The following NALF1 variants were observed in gnomAD, a reference collection of about 807,000 sequenced individuals.
NALF1 encodes the protein family with sequence similarity 155 member A.
Under a neutral mutation model 48.4 loss-of-function variants are expected in NALF1, and 3 were observed. That is an observed-to-expected ratio of 0.06 (90% confidence interval 0.03 to 0.16). The LOEUF is 0.16. Ranked by LOEUF, NALF1 falls within the 10% of genes least tolerant of loss-of-function variation. NALF1 has a pLI of 1.00. For missense variants in NALF1, 526 were observed against 571.5 expected, an observed-to-expected ratio of 0.92 and a Z score of 0.81; for synonymous variants, 262 against 245.7, an observed-to-expected ratio of 1.07 and a Z score of -0.62.
chr13:107,735,915 T>A (rs1876454151), intron 1 of NALF1, among the ~76,000 whole-genome samples: 1 of 152,184 alleles, frequency 6.6e-6, no homozygotes. Flanking sequence ...CTTGAGCTTC[T>A]AACTATTTTT....
chr13:107,277,765 G>GT (rs1881309507), intron 1 of NALF1, among the ~76,000 whole-genome samples: 1 of 152,280 alleles, frequency 6.6e-6, no homozygotes, highest in Admixed American at 6.5e-5. Context: ...ATTTTACAAA[G>GT]TATCAGTGAG....
chr13:107,808,650 A>G (rs1878883512), intron 1 of NALF1, among the ~76,000 whole-genome samples: 2 of 142,744 alleles, frequency 1.4e-5, no homozygotes, highest in Admixed American at 1.5e-4. Flanking sequence ...GCTGTGATCA[A>G]ATTTCCACTA....
chr13:107,368,855 T>C (rs1431441284), intron 1 of NALF1, among the ~76,000 whole-genome samples: 1 of 152,228 alleles, frequency 6.6e-6, no homozygotes. Context: ...CTCTGTTCCC[T>C]TTATGATATG....
chr13:107,817,898 TATCC>T (rs1264218369), intron 1 of NALF1, among the ~76,000 whole-genome samples: 3 of 152,178 alleles, frequency 2.0e-5, no homozygotes, highest in African/African-American at 4.8e-5. Context: ...TTTGTTTTTA[TATCC>T]ATCCATCCAT....
rs1466496618 is a variant in NALF1, at chr13:107,867,480, T to A, written c.-884A>T. ...GGCTAAGTTGCCGCCATCTTCGTCC[T>A]GGAGAAACACTTTTTTGGGGGGAGC... On this transcript the variant is annotated 5_prime_UTR_variant, in exon 1 of 3. Transcript: ENST00000375915. This position sits in a 1 kb window ranked among gnomAD's most constrained non-coding sequence, Gnocchi z 4.4. 1.3e-5 allele frequency among the ~76,000 whole-genome samples: 2 copies of A among 149,074 alleles called. No individual in the cohort carries two copies. Among genetic ancestry groups the A allele is most frequent in the Non-Finnish European group, 3.0e-5 (2 of 67,008 alleles).
intron 1 of NALF1, among the ~76,000 whole-genome samples, chr13:107,397,687 T>C (rs1883735058): frequency 6.6e-6 from 1 of 152,130 alleles, no homozygotes; most frequent in South Asian, 2.1e-4. Flanking sequence ...TTCATCTCTT[T>C]GCTCCACATT....
intron 1 of NALF1, among the ~76,000 whole-genome samples, chr13:107,794,460 T>C (rs1878349302): frequency 7.0e-6 from 1 of 142,290 alleles, no homozygotes; most frequent in African/African-American, 2.5e-5. Flanking sequence ...GTTCTCTAAC[T>C]AGCATGCAGT....
At chr13:107,748,130 T>C (rs1191290642) in intron 1 of NALF1, among the ~76,000 whole-genome samples, 1 of 152,172 alleles carries the variant, frequency 6.6e-6, no homozygotes, top group African/African-American at 2.4e-5. Context: ...AGGAATCAAA[T>C]GGGATGTTAT....
intron 1 of NALF1, among the ~76,000 whole-genome samples, chr13:107,660,474 C>T (rs923709104): frequency 1.4e-4 from 15 of 107,216 alleles, no homozygotes; most frequent in African/African-American, 6.1e-4. Flanking sequence ...CACACACACA[C>T]ACACACACAC....
At chr13:107,483,909 C>T (rs1276673023) in intron 1 of NALF1, among the ~76,000 whole-genome samples, 1 of 151,510 alleles carries the variant, frequency 6.6e-6, no homozygotes, top group African/African-American at 2.4e-5. Context: ...TATTTTAAAG[C>T]AAATATATAA....
intron 1 of NALF1, among the ~76,000 whole-genome samples, chr13:107,567,706 A>G (rs961989257): frequency 6.6e-5 from 10 of 152,148 alleles, no homozygotes; most frequent in Non-Finnish European, 2.9e-5. Context: ...AGCTTTGAGT[A>G]ACCACCACCA....
chr13:107,333,466 T>C (rs892369863), intron 1 of NALF1, among the ~76,000 whole-genome samples: 1 of 152,206 alleles, frequency 6.6e-6, no homozygotes, highest in Admixed American at 6.5e-5. Flanking sequence ...AGGGAGGGCA[T>C]GGCTCTGTGC....
At chr13:107,402,740 G>C (rs187092748) in intron 1 of NALF1, among the ~76,000 whole-genome samples, 1 of 152,096 alleles carries the variant, frequency 6.6e-6, no homozygotes, top group Admixed American at 6.6e-5. Context: ...AACCTCTCTT[G>C]GCCTCAGTTT....
At chr13:107,317,397 T>C (rs947498762) in intron 1 of NALF1, among the ~76,000 whole-genome samples, 1 of 152,084 alleles carries the variant, frequency 6.6e-6, no homozygotes, top group Non-Finnish European at 1.5e-5. Flanking sequence ...AGAGAGGTAT[T>C]GACTTTTATC....
intron 2 of NALF1, among the ~76,000 whole-genome samples, chr13:107,185,713 T>A (rs1045145959): frequency 3.3e-5 from 5 of 152,334 alleles, no homozygotes; most frequent in South Asian, 2.1e-4. Flanking sequence ...TTATTTATTT[T>A]TTTAAATTAG....
At chr13:107,679,909 G>A (rs1258936209) in intron 1 of NALF1, among the ~76,000 whole-genome samples, 1 of 152,228 alleles carries the variant, frequency 6.6e-6, no homozygotes, top group African/African-American at 2.4e-5. Flanking sequence ...CCATGCAGCT[G>A]TTTCTAAGAA....
At chr13:107,344,341 C>T (rs1882735827) in intron 1 of NALF1, among the ~76,000 whole-genome samples, 1 of 152,078 alleles carries the variant, frequency 6.6e-6, no homozygotes, top group South Asian at 2.1e-4. Context: ...TTTTATGAGT[C>T]CATCATTACT....
chr13:107,380,712 T>C (rs376450399), intron 1 of NALF1, among the ~76,000 whole-genome samples: 5 of 152,160 alleles, frequency 3.3e-5, no homozygotes, highest in African/African-American at 9.6e-5. Context: ...GGAGCGGTGG[T>C]TCACGTCTGT....
intron 1 of NALF1, among the ~76,000 whole-genome samples, chr13:107,340,489 T>TCTCTTTCTTTCTTTC (rs1882655843): frequency 1.8e-5 from 1 of 57,124 alleles, no homozygotes; most frequent in Non-Finnish European, 5.3e-5. Context: ...TTCTTTCTTT[T>TCTCTTTCTTTCTTTC]TGTCTTTCTT....
Sources: allele counts gnomAD v4.1 joint callset (sites outside exome capture counted in the v4.1 genomes callset), GRCh38; gene constraint gnomAD v4.1.1; non-coding constraint Gnocchi (gnomAD v3.1); transcripts MANE v1.5; gene names NCBI Gene and HGNC (gene_info 2026-07-23, HGNC 2026-07-21).